EVL: variants seen among roughly 807,000 people sequenced by gnomAD.
EVL encodes the protein ena/VASP-like protein.
In EVL, 21 loss-of-function variants were observed where a neutral mutation model predicts 59.6. The ratio of observed to expected loss-of-function variants is 0.35; its 90% confidence interval spans 0.25 to 0.51. The LOEUF (loss-of-function observed/expected upper bound fraction) is 0.51, where lower values mean the gene tolerates loss of function less well. Among genes scored for constraint, EVL ranks in the 20% least tolerant of loss-of-function variants. EVL has a pLI of 0.97. For synonymous variants in EVL, 198 were observed against 203.5 expected, an observed-to-expected ratio of 0.97 and a Z score of 0.23; for missense variants, 462 against 546.6, an observed-to-expected ratio of 0.85 and a Z score of 1.54.
chr14:100,085,119 A>T, intron 2 of EVL: 1 of 324,430 alleles, frequency 3.1e-6, no homozygotes, highest in East Asian at 5.0e-5. Flanking sequence ...TTATTGTCAG[A>T]TTAAAATAAA....
chr14:100,001,934 A>G (rs1239038021), intron 1 of EVL, among the ~76,000 whole-genome samples: 2 of 152,228 alleles, frequency 1.3e-5, no homozygotes, highest in Non-Finnish European at 2.9e-5. Context: ...TTATGCAAAT[A>G]ACTATATTGC....
At chr14:100,070,987 A>T (rs1268305447) in intron 1 of EVL, among the ~76,000 whole-genome samples, 1 of 152,194 alleles carries the variant, frequency 6.6e-6, no homozygotes, top group African/African-American at 2.4e-5. Flanking sequence ...TGGGAGATGC[A>T]TATGAGACAG....
chr14:100,030,780 CTG>C (rs2061302444), intron 1 of EVL, among the ~76,000 whole-genome samples: 1 of 152,210 alleles, frequency 6.6e-6, no homozygotes, highest in Non-Finnish European at 1.5e-5. Context: ...TTCTGGCTAA[CTG>C]TGATAATACA....
At chr14:100,138,402 A>T (rs570583657) in intron 11 of EVL, 1 of 153,370 alleles carries the variant, frequency 6.5e-6, no homozygotes, top group East Asian at 1.9e-4. Flanking sequence ...TTTGGAACTG[A>T]GATTGCCCAA....
intron 1 of EVL, among the ~76,000 whole-genome samples, chr14:99,973,737 A>G (rs2060751135): frequency 6.6e-6 from 1 of 152,226 alleles, no homozygotes; most frequent in Non-Finnish European, 1.5e-5. Context: ...TGCTGGGATT[A>G]CAGGCATGAG....
At chr14:100,096,296 A>C (rs1168749321) in intron 2 of EVL, among the ~76,000 whole-genome samples, 1 of 152,206 alleles carries the variant, frequency 6.6e-6, no homozygotes, top group Non-Finnish European at 1.5e-5. Flanking sequence ...AGCCAGACAA[A>C]ATCTGAGAAA....
At chr14:100,131,194 GT>G (rs1349244402) in intron 7 of EVL, among the ~76,000 whole-genome samples, 2 of 152,216 alleles carry the variant, frequency 1.3e-5, no homozygotes, top group African/African-American at 4.8e-5. Context: ...AATAGAAATA[GT>G]TTTGGAAAAG....
chr14:100,016,108 T>G (rs112672564), intron 1 of EVL, among the ~76,000 whole-genome samples: 2 of 151,832 alleles, frequency 1.3e-5, no homozygotes, highest in South Asian at 4.1e-4. Flanking sequence ...TAATTATTTA[T>G]TAATTTAAAA....
At chr14:100,095,649 C>T (rs1167283232) in intron 2 of EVL, among the ~76,000 whole-genome samples, 1 of 152,174 alleles carries the variant, frequency 6.6e-6, no homozygotes, top group Admixed American at 6.5e-5. Flanking sequence ...TACCCTGGAA[C>T]TTGTGTGTAG....
exon 1 of EVL, chr14:99,971,495 C>T (rs1400236883): frequency 6.6e-6 from 1 of 151,692 alleles, no homozygotes; most frequent in African/African-American, 2.4e-5. Context: ...GCCGCGCGCG[C>T]TCATTCACCT....
In EVL at chr14:100,114,288, C is replaced by T. The variant is rs1026235854; in HGVS notation, c.359-9251C>T. Among the ~76,000 whole-genome samples the T allele has an allele frequency of 6.6e-6, 1 of 152,114 alleles. No homozygotes were observed. Among genetic ancestry groups the T allele is most frequent in the Non-Finnish European group, 1.5e-5 (1 of 68,022 alleles). Reference sequence around the variant, plus strand: ...CTCACAGGCATTCTCTGCACACTTGCTCCCTTCTGACGCCACACCTACCCT... The same window carrying T: ...CTCACAGGCATTCTCTGCACACTTGTTCCCTTCTGACGCCACACCTACCCT... On this transcript the variant is annotated intron_variant, in intron 3 of 13. Transcript: ENST00000392920. This position sits in a 1 kb window ranked among gnomAD's most constrained non-coding sequence, Gnocchi z 5.0.
At chr14:99,999,709 A>G (rs1009199571) in intron 1 of EVL, among the ~76,000 whole-genome samples, 1 of 152,194 alleles carries the variant, frequency 6.6e-6, no homozygotes, top group Admixed American at 6.5e-5. Flanking sequence ...TTGAGGCGCC[A>G]TGGATTGCTT....
At chr14:100,103,566 T>G (rs1886364555) in intron 3 of EVL, among the ~76,000 whole-genome samples, 3 of 152,164 alleles carry the variant, frequency 2.0e-5, no homozygotes, top group Non-Finnish European at 1.5e-5. Context: ...GTACTGATCT[T>G]TCCTCTCCTA....
intron 1 of EVL, among the ~76,000 whole-genome samples, chr14:100,007,764 C>G (rs535763505): frequency 5.9e-5 from 9 of 151,858 alleles, no homozygotes; most frequent in African/African-American, 1.7e-4. Context: ...TAGATACTTT[C>G]AGAGAGAGAG....
chr14:100,138,385 T>C (rs1888944340), intron 11 of EVL: 1 of 153,492 alleles, frequency 6.5e-6, no homozygotes, highest in Non-Finnish European at 1.5e-5. Flanking sequence ...GACAACATGA[T>C]AGAATATTTG....
chr14:100,066,869 A>C (rs1166969289), intron 1 of EVL, among the ~76,000 whole-genome samples: 1 of 152,218 alleles, frequency 6.6e-6, no homozygotes, highest in Non-Finnish European at 1.5e-5. Context: ...TGGGCACCTT[A>C]TTCTCCACTT....
At position 100,092,923 on chromosome 14, in the gene EVL, A is replaced by G. The variant is rs548381791; in HGVS notation, c.181-4558A>G. The stretch of plus-strand genomic sequence containing the variant: ...GCCAATGGTGTTAGAAATAAGAAAC[A>G]TGGTTATCTCTACAAGTGAGTGTTG... On this transcript the variant is annotated intron_variant, in intron 2 of 13. Coordinates refer to ENST00000392920, the MANE Select transcript of EVL (RefSeq NM_016337.3). Among the ~76,000 whole-genome samples the G allele has an allele frequency of 3.3e-4, 50 of 152,388 alleles. 1 individual carries two copies. In the South Asian group the frequency reaches 9.5e-3, roughly 29 times the overall value.
intron 1 of EVL, among the ~76,000 whole-genome samples, chr14:100,044,960 AAAAT>A (rs1411048790): frequency 6.6e-6 from 1 of 152,146 alleles, no homozygotes; most frequent in African/African-American, 2.4e-5. Context: ...AGACCCTATA[AAAAT>A]AAATAAAGAA....
chr14:100,051,376 C>T (rs910617970), intron 1 of EVL, among the ~76,000 whole-genome samples: 2 of 152,162 alleles, frequency 1.3e-5, no homozygotes, highest in African/African-American at 4.8e-5. Context: ...CTGTCATGGT[C>T]CAGGCATCCA....
Sources: allele counts gnomAD v4.1 joint callset (sites outside exome capture counted in the v4.1 genomes callset), GRCh38; gene constraint gnomAD v4.1.1; non-coding constraint Gnocchi (gnomAD v3.1); transcripts MANE v1.5; gene names NCBI Gene and HGNC (gene_info 2026-07-23, HGNC 2026-07-21).